Variants in DLC1 observed in about 807,000 individuals in gnomAD.
DLC1 encodes the protein DLC1 Rho GTPase activating protein.
In DLC1, 54 loss-of-function variants were observed where a neutral mutation model predicts 140.3. The observed-to-expected ratio is 0.38, with a 90% CI of 0.31 to 0.48. DLC1 has a LOEUF of 0.48. Among genes scored for constraint, DLC1 ranks in the 20% least tolerant of loss-of-function variants. The pLI, the probability that DLC1 is intolerant of heterozygous loss-of-function variation, is 0.96. For synonymous variants in DLC1, 986 were observed against 728.1 expected (o/e 1.35, Z -5.70); for missense variants, 2,536 against 1,907.0 (o/e 1.33, Z -6.14).
At chr8:13,396,929 C>T (rs528304020) in intron 3 of DLC1, among the ~76,000 whole-genome samples, 1 of 152,226 alleles carries the variant, frequency 6.6e-6, no homozygotes, top group South Asian at 2.1e-4. Flanking sequence ...CTCATAATTT[C>T]CCTGTTACCC....
At position 13,088,540 on chromosome 8, in the gene DLC1, C is replaced by T. The variant is rs770394943; in HGVS notation, c.4239G>A (p.Gln1413=). Residue 1413 remains glutamine, a synonymous_variant, in exon 16 of 18, where the codon CAG becomes CAA. Coordinates refer to ENST00000276297, the MANE Select transcript of DLC1 (RefSeq NM_182643.3). ...EILDSQTEIY[Q]YVQNSMAPHP... Reference sequence around the variant, plus strand: ...GAGGTGCCATACTGTTTTGGACATACTGGTAAATTTCAGTTTGGCTGTCCA... The same window carrying T: ...GAGGTGCCATACTGTTTTGGACATATTGGTAAATTTCAGTTTGGCTGTCCA... The T allele has an allele frequency of 6.2e-7, 1 of 1,614,178 alleles. No homozygotes were observed. The highest frequency in any genetic ancestry group is 1.1e-5 in the South Asian group (1 of 91,080).
At chr8:13,305,114 T>G in intron 5 of DLC1, 155 bp downstream of exon 5, 2 of 1,326,176 alleles carry the variant, frequency 1.5e-6, no homozygotes, top group Non-Finnish European at 9.7e-7. Context: ...TCTTACATAT[T>G]GAGCAAAACA....
chr8:13,556,163 G>A (rs1264725819), intron 1 of DLC1, among the ~76,000 whole-genome samples: 1 of 152,112 alleles, frequency 6.6e-6, no homozygotes, highest in Non-Finnish European at 1.5e-5. Context: ...AATGTATAAG[G>A]AGCTCAGACA....
At chr8:13,455,625 T>A (rs1480586112) in intron 2 of DLC1, among the ~76,000 whole-genome samples, 5 of 152,252 alleles carry the variant, frequency 3.3e-5, no homozygotes, top group Admixed American at 2.0e-4. Flanking sequence ...CAGTGAATTC[T>A]TCTCTGGCCA....
intron 5 of DLC1, among the ~76,000 whole-genome samples, chr8:13,237,607 C>A (rs1372254968): frequency 1.3e-5 from 2 of 151,988 alleles, no homozygotes; most frequent in African/African-American, 4.8e-5. Context: ...TATCCCTCAG[C>A]CCCCTCCCTA....
At position 13,099,432 on chromosome 8, in the gene DLC1, T is replaced by A. The variant is rs771512737; in HGVS notation, c.2905A>T (p.Asn969Tyr). The change falls in exon 9 of 18, where the codon AAC (asparagine) becomes TAC (tyrosine). Residue 969 changes from asparagine (N) to tyrosine (Y), a missense_variant. Coordinates refer to ENST00000276297, the MANE Select transcript of DLC1 (RefSeq NM_182643.3). The stretch of plus-strand genomic sequence containing the variant: ...GGCTCTTCCGGTTCATTCAGGGAGT[T>A]GCCTGTGCTGTCCAGGTCGCTGGGT... The part of the protein sequence containing the change: ...TTPSDLDSTG[N>Y]SLNEPEEPSE... 2.5e-6 allele frequency: 4 copies of A among 1,614,102 alleles called. No individual in the cohort carries two copies.
rs146111297 is a variant in DLC1, at chr8:13,538,810, C to T, written c.-125-38614G>A. On this transcript the variant is annotated intron_variant, in intron 1 of 1. Coordinates refer to the DLC1 transcript ENST00000631382. ...CAACTCTTCACTTACAATAACCTCA[C>T]TGTATGTGAGCAAAATATTGCTTGA... is the stretch of plus-strand genomic sequence containing the variant. Among the ~76,000 whole-genome samples, 3 of 152,342 alleles carry T rather than the reference C, an allele frequency of 2.0e-5. No homozygotes were observed. In the East Asian group the frequency reaches 5.8e-4, roughly 29 times the overall value.
intron 5 of DLC1, among the ~76,000 whole-genome samples, chr8:13,128,822 G>A (rs866872786): frequency 1.4e-5 from 2 of 146,084 alleles, no homozygotes; most frequent in Admixed American, 6.8e-5. Context: ...GCGACAGAGA[G>A]AGACTCCGTC....
intron 5 of DLC1, among the ~76,000 whole-genome samples, chr8:13,133,888 T>C (rs540277468): frequency 6.6e-6 from 1 of 152,306 alleles, no homozygotes; most frequent in South Asian, 2.1e-4. Context: ...GGACATTGGT[T>C]ATTTATTGCT....
intron 2 of DLC1, among the ~76,000 whole-genome samples, chr8:13,495,127 C>A (rs1379976857): frequency 6.6e-6 from 1 of 152,014 alleles, no homozygotes; most frequent in East Asian, 1.9e-4. Flanking sequence ...TGGATTATTT[C>A]TTGTCTTATG....
rs551223138 is a variant in DLC1 at position 13,454,905 on chromosome 8, G to A, written c.1023+44144C>T. Among the ~76,000 whole-genome samples the A allele has an allele frequency of 2.0e-5, 3 of 152,098 alleles. No homozygotes were observed. The East Asian group carries it at 5.8e-4, about 30-fold the overall frequency. On this transcript the variant is annotated intron_variant, in intron 2 of 17. Transcript: ENST00000276297. The stretch of plus-strand genomic sequence containing the variant: ...GCAGTATTGGGACCATTTGTTGTGG[G>A]GTATATAGGTGGTAAAGATTTTGGA...
rs555325240 is a variant in DLC1 at position 13,412,848 on chromosome 8, C to T, written c.1024-11229G>A. Among the ~76,000 whole-genome samples, 1,017 of 145,352 alleles carry T rather than the reference C, an allele frequency of 7.0e-3. 6 individuals carry two copies. Among genetic ancestry groups the T allele is most frequent in the Non-Finnish European group, 0.012 (835 of 67,216 alleles). On this transcript the variant is annotated intron_variant, in intron 2 of 17. Transcript: ENST00000276297. ...TAGGGAGGCTGAGGCAGGAGAATGG[C>T]GTGAACCCAGGAGGCGGAGCTTGCA...
chr8:13,133,767 T>C (rs1046183290), intron 5 of DLC1, among the ~76,000 whole-genome samples: 5 of 152,004 alleles, frequency 3.3e-5, no homozygotes, highest in Admixed American at 2.0e-4. Context: ...TTTACCTGTC[T>C]TTTATCCTGG....
intron 1 of DLC1, among the ~76,000 whole-genome samples, chr8:13,549,434 G>A (rs577021135): frequency 1.3e-5 from 2 of 152,086 alleles, no homozygotes; most frequent in Non-Finnish European, 2.9e-5. Flanking sequence ...TCTAGATAAG[G>A]TAAGCAAATT....
At chr8:13,482,194 C>T (rs149897713) in intron 2 of DLC1, among the ~76,000 whole-genome samples, 163 of 152,178 alleles carry the variant, frequency 1.1e-3, no homozygotes, top group African/African-American at 3.7e-3. Context: ...AAGGAAATAC[C>T]CCATCTTTCA....
intron 2 of DLC1, among the ~76,000 whole-genome samples, chr8:13,439,469 G>GT (rs1467472653): frequency 6.6e-6 from 1 of 151,414 alleles, no homozygotes; most frequent in Admixed American, 6.6e-5. Context: ...AACTTTCTCT[G>GT]TTTTTCTTTT....
upstream of DLC1, among the ~76,000 whole-genome samples, chr8:13,516,204 A>G (rs747119469): frequency 2.6e-5 from 4 of 152,194 alleles, no homozygotes; most frequent in Admixed American, 2.0e-4. Context: ...TATTAGGTCT[A>G]TCTGCTTCTT....
chr8:13,406,070 A>G (rs2117273914), intron 2 of DLC1, among the ~76,000 whole-genome samples: 1 of 145,638 alleles, frequency 6.9e-6, no homozygotes, highest in East Asian at 2.0e-4. Flanking sequence ...GCAGTGGCAC[A>G]ATCTTGGCTC....
At chr8:13,323,867 T>G (rs1300389688) in intron 4 of DLC1, among the ~76,000 whole-genome samples, 1 of 152,198 alleles carries the variant, frequency 6.6e-6, no homozygotes, top group African/African-American at 2.4e-5. Flanking sequence ...GATTCTAAAA[T>G]AAAAGCATTT....
Sources: allele counts gnomAD v4.1 joint callset (sites outside exome capture counted in the v4.1 genomes callset), GRCh38; gene constraint gnomAD v4.1.1; transcripts MANE v1.5; gene names NCBI Gene and HGNC (gene_info 2026-07-23, HGNC 2026-07-21).